The following SEC22C variants were observed in gnomAD, a reference collection of about 807,000 sequenced individuals.
SEC22C encodes the protein vesicle-trafficking protein SEC22c.
A neutral mutation model predicts 34.7 loss-of-function variants in SEC22C; 29 were observed. The observed-to-expected ratio is 0.84, with a 90% CI of 0.62 to 1.14. The LOEUF (loss-of-function observed/expected upper bound fraction) is 1.14, where lower values mean the gene tolerates loss of function less well. SEC22C is among the 50% of genes most tolerant of loss of function. The probability of loss-of-function intolerance (pLI) is 0.00; values close to 1 mark genes in which losing one functional copy is unlikely to be tolerated. For synonymous variants in SEC22C, 117 were observed against 132.8 expected, an observed-to-expected ratio of 0.88 and a Z score of 0.82; for missense variants, 337 against 369.0, an observed-to-expected ratio of 0.91 and a Z score of 0.71.
At chr3:42,568,669 G>T in intron 2 of SEC22C, among the ~76,000 whole-genome samples, 196 bp downstream of exon 2, 1 of 137,738 alleles carries the variant, frequency 7.3e-6, no homozygotes, top group East Asian at 2.3e-4. Context: ...AAAAAAAAAA[G>T]TTGGAGCAGC....
At position 42,572,113 on chromosome 3, in the gene SEC22C, TG is replaced by T. The variant is rs1366992839; in HGVS notation, c.-27-3041del. Among the ~76,000 whole-genome samples, 5 of 152,102 alleles carry T rather than the reference TG, an allele frequency of 3.3e-5. No individual in the cohort carries two copies. In the East Asian group the frequency reaches 9.6e-4, roughly 29 times the overall value. On this transcript the variant is annotated intron_variant, in intron 1 of 6. Coordinates refer to ENST00000264454, the MANE Select transcript of SEC22C (RefSeq NM_032970.4). Reference sequence around the variant, plus strand: ...CTTGGGGTCTGAGGAATGACACAGCTGTGAGTCTGCTGAGTTTGTTTTTTCT... The same window carrying T: ...CTTGGGGTCTGAGGAATGACACAGCTTGAGTCTGCTGAGTTTGTTTTTTCT...
chr3:42,578,346 C>T (rs958376518), intron 1 of SEC22C, among the ~76,000 whole-genome samples: 10 of 152,000 alleles, frequency 6.6e-5, no homozygotes, highest in Admixed American at 4.6e-4. Context: ...CATCCTTTTA[C>T]GTAACATTCT....
rs1702277245 is a variant in SEC22C at position 42,551,928 on chromosome 3, T to C, written c.*1320A>G. 7 of 985,248 alleles carry C rather than the reference T, an allele frequency of 7.1e-6. No individual in the cohort carries two copies. The highest frequency in any genetic ancestry group is 1.7e-5 in the African/African-American group (1 of 57,262). 61.0% of individuals were successfully genotyped at this position (985,248 alleles called of 1,614,324 possible). ...AATTTATCAAGACCACATAATGCAG[T>C]TGAACACTCAAAGTGTTCCATGCAA... On this transcript the variant is annotated 3_prime_UTR_variant, in exon 7 of 7. Transcript: ENST00000264454.
chr3:42,563,658 T>C lies in SEC22C; in HGVS notation c.211A>G (p.Met71Val). Residue 71 changes from methionine (M) to valine (V), a missense_variant, in exon 3 of 7, where the codon ATG becomes GTG. Coordinates refer to ENST00000264454, the MANE Select transcript of SEC22C (RefSeq NM_032970.4). Reference sequence around the variant, plus strand: ...GGACACTGGCAGGAGCAGATAGCCATGCAGGCCACGTCCCCGAAAGAAGAA... The same window carrying C: ...GGACACTGGCAGGAGCAGATAGCCACGCAGGCCACGTCCCCGAAAGAAGAA... ...HFSSFGDVACMAICSCQCPAA... is the reference protein window; with the variant it reads ...HFSSFGDVACVAICSCQCPAA... The C allele has an allele frequency of 6.2e-7, 1 of 1,614,126 alleles. No homozygotes were observed.
intron 1 of SEC22C, chr3:42,594,342 G>C (rs561116763): frequency 9.3e-7 from 1 of 1,079,634 alleles, no homozygotes; most frequent in East Asian, 2.4e-5. Flanking sequence ...TTCCACTAGA[G>C]TGGGTAAATT....
At chr3:42,600,254 G>A (rs1277869430) in intron 1 of SEC22C, among the ~76,000 whole-genome samples, 1 of 152,114 alleles carries the variant, frequency 6.6e-6, no homozygotes, top group Non-Finnish European at 1.5e-5. Context: ...CTAACAGTAG[G>A]ACACGGACAT....
intron 1 of SEC22C, among the ~76,000 whole-genome samples, chr3:42,575,419 G>C (rs1208463215): frequency 1.3e-5 from 2 of 152,160 alleles, no homozygotes; most frequent in Non-Finnish European, 2.9e-5. Context: ...TAGGTAGGTT[G>C]AAAGTAAATG....
intron 6 of SEC22C, among the ~76,000 whole-genome samples, chr3:42,554,647 T>A (rs1368049791): frequency 6.6e-6 from 1 of 152,126 alleles, no homozygotes; most frequent in Non-Finnish European, 1.5e-5. Flanking sequence ...GCCTGGGTAA[T>A]TCTTAAGAAT....
chr3:42,556,746 G>A (rs530565445), intron 5 of SEC22C, among the ~76,000 whole-genome samples: 12 of 152,036 alleles, frequency 7.9e-5, no homozygotes, highest in East Asian at 5.8e-4. Context: ...TTTTTGAGAC[G>A]GAGTTTTGCT....
At chr3:42,589,333 T>A (rs1312861779) in intron 1 of SEC22C, among the ~76,000 whole-genome samples, 2 of 151,988 alleles carry the variant, frequency 1.3e-5, no homozygotes, top group Admixed American at 1.3e-4. Context: ...AAAGGGATTG[T>A]GGAGAGAAAG....
chr3:42,592,419 C>G (rs1454722978), intron 1 of SEC22C, among the ~76,000 whole-genome samples: 1 of 152,150 alleles, frequency 6.6e-6, no homozygotes, highest in African/African-American at 2.4e-5. Flanking sequence ...AGACTGGTCT[C>G]AAACTCCTGA....
At chr3:42,565,463 G>C (rs985930691) in intron 2 of SEC22C, among the ~76,000 whole-genome samples, 2 of 152,194 alleles carry the variant, frequency 1.3e-5, no homozygotes, top group Admixed American at 6.5e-5. Flanking sequence ...GGTGTGGGTT[G>C]AGTTTGTCCC....
intron 4 of SEC22C, among the ~76,000 whole-genome samples, chr3:42,560,189 ATT>A (rs1408235663): frequency 6.9e-6 from 1 of 145,564 alleles, no homozygotes; most frequent in African/African-American, 2.5e-5. Context: ...TAATATATAT[ATT>A]ATATATATAA....
At chr3:42,563,883 A>G in intron 2 of SEC22C, 197 bp from the exon 3 acceptor site, 1 of 1,469,640 alleles carries the variant, frequency 6.8e-7, no homozygotes, top group Non-Finnish European at 9.1e-7. Flanking sequence ...TAAAATGTCT[A>G]GTAGTCTTAA....
intron 1 of SEC22C, among the ~76,000 whole-genome samples, chr3:42,570,582 G>C (rs1179698188): frequency 6.6e-6 from 1 of 152,078 alleles, no homozygotes; most frequent in Non-Finnish European, 1.5e-5. Flanking sequence ...CCTTCCATTG[G>C]GGAGTAAAAA....
chr3:42,559,364 T>G (rs1007472202), intron 4 of SEC22C, among the ~76,000 whole-genome samples: 3 of 152,214 alleles, frequency 2.0e-5, no homozygotes, highest in African/African-American at 7.2e-5. Flanking sequence ...AGGTGACACT[T>G]TCTGGATTTG....
At position 42,561,191 on chromosome 3, in the gene SEC22C, G is replaced by A. The variant is rs532737600; in HGVS notation, c.452C>T (p.Ala151Val). The change falls in exon 4 of 7, where the codon GCG (alanine) becomes GTG (valine). Residue 151 changes from alanine (A) to valine (V), a missense_variant. Physicochemically the swap from Ala to Val is moderately conservative, Grantham distance 64 (BLOSUM62 0). Coordinates refer to ENST00000264454, the MANE Select transcript of SEC22C (RefSeq NM_032970.4). The part of the protein sequence containing the change: ...IQEELKLQPP[A>V]VLTLEDTDVA... ...ATCTGTGTCCTCCAGAGTGAGAACC[G>A]CTGGAGGCTGCAACTTGAGCTCCTC... 148 of 1,614,016 alleles carry A rather than the reference G, an allele frequency of 9.2e-5. No individual in the cohort carries two copies. In the South Asian group the frequency reaches 1.3e-3, roughly 14 times the overall value.
Position 42,552,287 on chromosome 3 carries a change from G to C in SEC22C, c.*961C>G. 2.0e-6 allele frequency: 2 copies of C among 985,334 alleles called. No homozygotes were observed. Among genetic ancestry groups the C allele is most frequent in the Non-Finnish European group, 2.4e-6 (2 of 829,922 alleles). 61.0% of individuals were successfully genotyped at this position (985,334 alleles called of 1,614,324 possible). A position where few individuals can be genotyped will look rare whatever the true frequency, so the allele number is the denominator to read the frequency against. ...AGTAATTAATTTTGGAGGCGCTCTG[G>C]GAACAGGTACACAGGGTACAGTAGT... On this transcript the variant is annotated 3_prime_UTR_variant, in exon 7 of 7. Coordinates refer to ENST00000264454, the MANE Select transcript of SEC22C (RefSeq NM_032970.4).
intron 6 of SEC22C, among the ~76,000 whole-genome samples, chr3:42,555,072 G>A (rs754752804): frequency 1.3e-5 from 2 of 152,198 alleles, no homozygotes; most frequent in East Asian, 1.9e-4. Context: ...GAGGTCGGGC[G>A]TGGTGGCTCA....
Sources: gnomAD v4.1 joint callset for allele counts (sites outside exome capture counted in the v4.1 genomes callset) on GRCh38, gnomAD v4.1.1 for gene constraint, MANE v1.5 for transcripts, NCBI Gene and HGNC (gene_info 2026-07-23, HGNC 2026-07-21) for gene names.